The following LOXL2 variants were observed in gnomAD, a reference collection of about 807,000 sequenced individuals.
The protein encoded by LOXL2 is lysyl oxidase like 2.
Under a neutral mutation model 93.0 loss-of-function variants are expected in LOXL2, and 70 were observed. The ratio of observed to expected loss-of-function variants is 0.75; its 90% CI spans 0.62 to 0.92. The LOEUF is 0.92. LOXL2 is among the 40% of genes least tolerant of loss of function. The pLI is 0.00. For missense variants in LOXL2, 973 were observed against 1,054.9 expected (o/e 0.92, Z 1.08); for synonymous variants, 438 against 413.2 (o/e 1.06, Z -0.73).
chr8:23,401,601 C>T (rs1007633677), intron 1 of LOXL2, among the ~76,000 whole-genome samples: 4 of 143,706 alleles, frequency 2.8e-5, no homozygotes, highest in African/African-American at 9.8e-5. Flanking sequence ...TCATTATACC[C>T]TTCTCTCTAC....
Position 23,328,532 on chromosome 8 carries a change from T to G in LOXL2, c.1000A>C (p.Ile334Leu). 3 of 1,614,034 alleles carry G rather than the reference T, an allele frequency of 1.9e-6. No individual in the cohort carries two copies. Among genetic ancestry groups the G allele is most frequent in the Non-Finnish European group, 2.5e-6 (3 of 1,180,030 alleles). ...AGCACCTCCACGCGGCCCTCCCCGA[T>G]GTAGGCACCGCCTCTCAGTCGCACC... ...PLVRLRGGAY[I>L]GEGRVEVLKN... is the part of the protein sequence containing the mutation. Residue 334 changes from isoleucine to leucine, a missense_variant, in exon 6 of 14, where the codon ATC becomes CTC. Ile to Leu is a conservative substitution (Grantham distance 5). Coordinates refer to ENST00000389131, the MANE Select transcript of LOXL2 (RefSeq NM_002318.3).
intron 9 of LOXL2, among the ~76,000 whole-genome samples, chr8:23,315,718 A>G (rs1303176574): frequency 2.6e-5 from 4 of 152,324 alleles, no homozygotes; most frequent in African/African-American, 9.6e-5. Flanking sequence ...TAATAAATGC[A>G]TAGAACCCCC....
rs1804630385 is a variant in LOXL2 at position 23,378,766 on chromosome 8, C to T, written c.-83-10332G>A. On this transcript the variant is annotated intron_variant, in intron 1 of 13. Transcript: ENST00000389131. ...AAGCTTGTGCATTCGTCACGTAGTT[C>T]TCGTGCCATGGTTTTCAGCTCCATC... Among the ~76,000 whole-genome samples the T allele has an allele frequency of 3.9e-5, 6 of 152,188 alleles. No individual in the cohort carries two copies. The South Asian group carries it at 1.2e-3, about 32-fold the overall frequency.
rs976812902 is a variant in LOXL2, at chr8:23,299,025, C to T, written c.2134-78G>A. ...ACCCAGGCCTGGGGCTCTGAGAGAC[C>T]AGCACCTCAGGGAAGGGGAGCGTGG... is the stretch of plus-strand genomic sequence containing the variant. On this transcript the variant is annotated intron_variant, in intron 12 of 13. Transcript: ENST00000389131. The T allele has an allele frequency of 3.7e-5, 31 of 841,158 alleles. No individual in the cohort carries two copies. The African/African-American group carries it at 5.2e-4, about 14-fold the overall frequency. 52.1% of individuals were successfully genotyped at this position (841,158 alleles called of 1,614,324 possible). A position where few individuals can be genotyped will look rare whatever the true frequency, so the allele number is the denominator to read the frequency against.
At chr8:23,385,229 A>G (rs1263804653) in intron 1 of LOXL2, among the ~76,000 whole-genome samples, 1 of 150,114 alleles carries the variant, frequency 6.7e-6, no homozygotes, top group African/African-American at 2.5e-5. Context: ...TGGAAGAGAA[A>G]GTTGGATTTT....
chr8:23,364,495 G>C (rs1342415445), intron 2 of LOXL2: 1 of 152,184 alleles, frequency 6.6e-6, no homozygotes, highest in African/African-American at 2.4e-5. Context: ...ATGAAATTCA[G>C]TTGGAATGCC....
chr8:23,365,819 CAG>C (rs1248140580), intron 2 of LOXL2: 4 of 152,348 alleles, frequency 2.6e-5, no homozygotes, highest in South Asian at 2.1e-4. Flanking sequence ...TCCATCTGAA[CAG>C]AGACTCGCAA....
At chr8:23,348,512 G>A (rs1219265892) in intron 3 of LOXL2, among the ~76,000 whole-genome samples, 1 of 152,130 alleles carries the variant, frequency 6.6e-6, no homozygotes, top group East Asian at 1.9e-4. Flanking sequence ...AGGCTGCAGT[G>A]AACTAGGATT....
At chr8:23,396,385 AGGAG>A (rs747687295) in intron 1 of LOXL2, among the ~76,000 whole-genome samples, 78 of 152,220 alleles carry the variant, frequency 5.1e-4, no homozygotes, top group Non-Finnish European at 8.8e-4. Flanking sequence ...TGGGAAGGGA[AGGAG>A]GGAGGAAGGA....
chr8:23,300,749 T>G (rs1803116134), intron 12 of LOXL2, among the ~76,000 whole-genome samples: 1 of 152,180 alleles, frequency 6.6e-6, no homozygotes, highest in Admixed American at 6.5e-5. Flanking sequence ...GGAGATTAAA[T>G]CAAACAATGC....
chr8:23,394,474 T>C (rs6991750), intron 1 of LOXL2, among the ~76,000 whole-genome samples: 107,797 of 150,492 alleles, frequency 0.72, 39,226 homozygotes, highest in East Asian at 0.86. Flanking sequence ...CCAAAGAAGA[T>C]ATACAAATGG....
intron 4 of LOXL2, chr8:23,336,288 CCT>C (rs1217463849): frequency 6.6e-6 from 1 of 152,580 alleles, no homozygotes; most frequent in Non-Finnish European, 1.5e-5. Flanking sequence ...AGCCCGGATC[CCT>C]CTGACATCAG....
chr8:23,298,208 G>C, intron 13 of LOXL2, 86 bp from the exon 14 acceptor site: 2 of 913,798 alleles, frequency 2.2e-6, no homozygotes, highest in Non-Finnish European at 3.6e-6. Flanking sequence ...TGGGCCTCAG[G>C]GGCTGCTGGG....
intron 1 of LOXL2, among the ~76,000 whole-genome samples, chr8:23,403,049 A>G (rs185843697): frequency 3.3e-5 from 5 of 152,056 alleles, no homozygotes; most frequent in Admixed American, 6.5e-5. Flanking sequence ...TGTTCTCCCA[A>G]TCATCTCTAT....
chr8:23,312,400 A>G (rs970116337), intron 9 of LOXL2, among the ~76,000 whole-genome samples: 3 of 140,062 alleles, frequency 2.1e-5, no homozygotes, highest in African/African-American at 8.5e-5. Flanking sequence ...AAAATCCTCA[A>G]TAAAATACTG....
At chr8:23,314,585 C>T (rs7814304) in intron 9 of LOXL2, among the ~76,000 whole-genome samples, 121,292 of 146,052 alleles carry the variant, frequency 0.83, 50,728 homozygotes, top group African/African-American at 0.91. Flanking sequence ...TAGGTGGGAA[C>T]TGAACAATGA....
intron 1 of LOXL2, among the ~76,000 whole-genome samples, chr8:23,373,659 T>C: frequency 6.6e-6 from 1 of 152,182 alleles, no homozygotes; most frequent in East Asian, 1.9e-4. Flanking sequence ...GCTCTAGTGT[T>C]TTAATTCACT....
chr8:23,354,947 ATATTTTTTTTTTT>A (rs1377608663), intron 3 of LOXL2, among the ~76,000 whole-genome samples: 10 of 54,078 alleles, frequency 1.8e-4, no homozygotes, highest in African/African-American at 6.7e-4. Flanking sequence ...ATATATATAT[ATATTTTTTTTTTT>A]TTTTTTTTTT....
intron 5 of LOXL2, chr8:23,328,846 G>A (rs4355776): frequency 0.67 from 266,675 of 398,786 alleles, 92,645 homozygotes; most frequent in Non-Finnish European, 0.73. Flanking sequence ...GGTCCCCTGG[G>A]GAGCCCATTG....
Sources: allele counts gnomAD v4.1 joint callset (sites outside exome capture counted in the v4.1 genomes callset), GRCh38; gene constraint gnomAD v4.1.1; transcripts MANE v1.5; gene names NCBI Gene and HGNC (gene_info 2026-07-23, HGNC 2026-07-21).